The following ABCC3 variants were observed in gnomAD, a reference collection of about 807,000 sequenced individuals.
ABCC3 encodes the protein ATP binding cassette subfamily C member 3, also known as ATP-binding cassette sub-family C member 3.
ABCC3 carries 121 observed loss-of-function variants against 165.3 expected under a neutral mutation model. The observed-to-expected ratio is 0.73, with a 90% CI of 0.63 to 0.85. The LOEUF is 0.85. Ranked by LOEUF, ABCC3 falls within the 40% of genes least tolerant of loss-of-function variation. The pLI is 0.00. For missense variants in ABCC3, 1,869 were observed against 1,964.1 expected (o/e 0.95, Z 0.92); for synonymous variants, 733 against 810.1 (o/e 0.90, Z 1.62).
At chr17:50,649,562 G>C (rs1364664619) in intron 1 of ABCC3, among the ~76,000 whole-genome samples, 3 of 147,408 alleles carry the variant, frequency 2.0e-5, no homozygotes, top group Non-Finnish European at 4.5e-5. Context: ...ATACCTGGGT[G>C]ACAGAGTGAG....
At position 50,667,870 on chromosome 17, in the gene ABCC3, T is replaced by A. The variant is rs144520783; in HGVS notation, c.1643T>A (p.Leu548Gln). The A allele has an allele frequency of 2.2e-3, 3,513 of 1,614,010 alleles. 5 individuals carry two copies. Among genetic ancestry groups the A allele is most frequent in the Non-Finnish European group, 2.8e-3 (3,287 of 1,179,912 alleles). Reference sequence around the variant, plus strand: ...CACCTCCACGCTGCTCAGGTGACCCTGATCACCCTCTGGGTGTACGTGTAC... The same window carrying A: ...CACCTCCACGCTGCTCAGGTGACCCAGATCACCCTCTGGGTGTACGTGTAC... ...TWMCSPFLVTLITLWVYVYVD... is the reference protein window; with the variant it reads ...TWMCSPFLVTQITLWVYVYVD... The change falls in exon 13 of 31, where the codon CTG (leucine) becomes CAG (glutamine). Residue 548 changes from leucine (L) to glutamine (Q), a missense_variant. Coordinates refer to ENST00000285238, the MANE Select transcript of ABCC3 (RefSeq NM_003786.4).
chr17:50,636,745 GA>G (rs1019627792), intron 1 of ABCC3, among the ~76,000 whole-genome samples: 1 of 152,222 alleles, frequency 6.6e-6, no homozygotes, highest in Non-Finnish European at 1.5e-5. Flanking sequence ...AGGTCTCCTG[GA>G]CCCCAGAGTT....
Position 50,673,107 on chromosome 17 carries a change from T to C in ABCC3, c.2378T>C (p.Val793Ala), listed in dbSNP as rs762159761. 2 of 1,614,098 alleles carry C rather than the reference T, an allele frequency of 1.2e-6. No homozygotes were observed. Among genetic ancestry groups the C allele is most frequent in the Admixed American group, 1.7e-5 (1 of 60,022 alleles). The change falls in exon 18 of 31, where the codon GTC becomes GCC. Residue 793 changes from valine (V) to alanine (A), a missense_variant. Physicochemically the swap from Val to Ala is moderately conservative, Grantham distance 64 (BLOSUM62 0). Transcript: ENST00000285238. ...SHVAKHIFDH[V>A]IGPEGVLAGK... ...GTGGCCAAGCACATCTTTGACCACGTCATCGGGCCAGAAGGCGTGCTGGCA... is the reference window on the plus strand; with the variant it reads ...GTGGCCAAGCACATCTTTGACCACGCCATCGGGCCAGAAGGCGTGCTGGCA...
intron 25 of ABCC3, 99 bp from the exon 26 acceptor site, chr17:50,679,699 C>T (rs780117079): frequency 1.2e-5 from 14 of 1,156,800 alleles, no homozygotes; most frequent in Non-Finnish European, 1.8e-5. Flanking sequence ...GGCTAGGATC[C>T]CATGGATGGG....
chr17:50,664,077 T>G lies in ABCC3; in HGVS notation c.1304T>G (p.Leu435Arg), dbSNP rs745554437. ...CTCAATCTGCTGTGGTCAGCACCCC[T>G]GCAGATCATCCTGGCGATCTACTTC... Reference protein sequence around the residue: ...PFLNLLWSAPLQIILAIYFLW... With the variant: ...PFLNLLWSAPRQIILAIYFLW... Residue 435 changes from leucine to arginine, a missense_variant, in exon 10 of 31, where the codon CTG becomes CGG. By Grantham distance (102) the Leu-to-Arg change is moderately radical (BLOSUM62 -2). Coordinates refer to ENST00000285238, the MANE Select transcript of ABCC3 (RefSeq NM_003786.4). The G allele has an allele frequency of 6.2e-7, 1 of 1,614,222 alleles. No individual in the cohort carries two copies. Among genetic ancestry groups the G allele is most frequent in the South Asian group, 1.1e-5 (1 of 91,086 alleles).
chr17:50,677,995 T>A, intron 24 of ABCC3, 52 bp downstream of exon 24: 1 of 1,613,928 alleles, frequency 6.2e-7, no homozygotes, highest in South Asian at 1.1e-5. Context: ...CCCAGCAGGC[T>A]CTCTGGTGTT....
At chr17:50,685,546 T>C (rs1427521427) in intron 29 of ABCC3, among the ~76,000 whole-genome samples, 2 of 152,154 alleles carry the variant, frequency 1.3e-5, no homozygotes, top group Non-Finnish European at 2.9e-5. Context: ...CTATAACTTA[T>C]TTAGCCCAAT....
intron 30 of ABCC3, among the ~76,000 whole-genome samples, chr17:50,689,687 A>C (rs974366473): frequency 6.6e-6 from 1 of 152,010 alleles, no homozygotes; most frequent in Admixed American, 6.6e-5. Flanking sequence ...GCCTGATGCT[A>C]CCCTCTGTCT....
At chr17:50,643,547 A>G (rs749536431) in intron 1 of ABCC3, 35 of 456,252 alleles carry the variant, frequency 7.7e-5, no homozygotes, top group Non-Finnish European at 6.6e-5. Context: ...CTGTATCTGC[A>G]GAACCCAGCC....
At position 50,669,208 on chromosome 17, in the gene ABCC3, C is replaced by T. The variant is rs755969555; in HGVS notation, c.2006C>T (p.Ser669Phe). The change falls in exon 16 of 31, where the codon TCC (serine) becomes TTC (phenylalanine). Residue 669 changes from serine to phenylalanine, a missense_variant. By Grantham distance (155) the Ser-to-Phe change is radical. Transcript: ENST00000285238. ...VVGPVGCGKS[S>F]LVSALLGEME... is the part of the protein sequence containing the mutation. ...GGGCCTGTGGGCTGTGGGAAGTCCT[C>T]CCTGGTGTCTGCCCTGCTGGGAGAG... The T allele has an allele frequency of 6.2e-7, 1 of 1,612,306 alleles. No homozygotes were observed. The highest frequency in any genetic ancestry group is 1.1e-5 in the South Asian group (1 of 90,918).
chr17:50,653,350 AAAAAAAAAAAAAAG>A (rs1397650976), intron 1 of ABCC3, among the ~76,000 whole-genome samples: 1 of 151,180 alleles, frequency 6.6e-6, no homozygotes, highest in African/African-American at 2.4e-5. Context: ...GTCTCAAAAA[AAAAAAAAAAAAAAG>A]AAAAAGAAAA....
chr17:50,665,998 GT>G (rs1046244337), intron 11 of ABCC3, among the ~76,000 whole-genome samples: 2 of 152,044 alleles, frequency 1.3e-5, no homozygotes, highest in African/African-American at 2.4e-5. Flanking sequence ...TACCTTGCAA[GT>G]CCTCACCCCC....
intron 19 of ABCC3, among the ~76,000 whole-genome samples, chr17:50,673,971 T>TCCTTCCTTCCTTC (rs1567835528): frequency 8.2e-4 from 12 of 14,672 alleles, no homozygotes; most frequent in Admixed American, 1.1e-3. Flanking sequence ...TTTCTTTCTT[T>TCCTTCCTTCCTTC]CTTTCTTTCT....
At chr17:50,653,023 G>A (rs1355198835) in intron 1 of ABCC3, among the ~76,000 whole-genome samples, 3 of 152,088 alleles carry the variant, frequency 2.0e-5, no homozygotes, top group Non-Finnish European at 4.4e-5. Flanking sequence ...TTCTACTTCC[G>A]ATCCCACTTC....
At chr17:50,645,821 A>T (rs543049294) in intron 1 of ABCC3, among the ~76,000 whole-genome samples, 7 of 152,300 alleles carry the variant, frequency 4.6e-5, no homozygotes, top group African/African-American at 9.6e-5. Flanking sequence ...GCTGGTCTCA[A>T]ACTCCTGGCC....
intron 7 of ABCC3, among the ~76,000 whole-genome samples, chr17:50,659,818 C>T (rs1240984337): frequency 2.0e-5 from 3 of 151,992 alleles, no homozygotes; most frequent in African/African-American, 7.3e-5. Context: ...GACCTTGTCT[C>T]TACAAAAAAT....
In ABCC3 at chr17:50,677,772, T is replaced by C. The variant is rs983704326; in HGVS notation, c.3407T>C (p.Leu1136Pro). 1.2e-6 allele frequency: 2 copies of C among 1,614,090 alleles called. No individual in the cohort carries two copies. The part of the protein sequence containing the change: ...QRFYAATSRQ[L>P]KRLESVSRSP... Reference sequence around the variant, plus strand: ...TTCTATGCAGCCACATCACGGCAACTGAAGCGGCTGGAATCAGTCAGCCGC... The same window carrying C: ...TTCTATGCAGCCACATCACGGCAACCGAAGCGGCTGGAATCAGTCAGCCGC... The change falls in exon 24 of 31, where the codon CTG (leucine) becomes CCG (proline). Residue 1136 changes from leucine (L) to proline (P), a missense_variant. Transcript: ENST00000285238.
chr17:50,657,293 C>G, intron 4 of ABCC3, 110 bp downstream of exon 4: 1 of 1,391,056 alleles, frequency 7.2e-7, no homozygotes, highest in Non-Finnish European at 9.8e-7. Context: ...GCTTCAAGTA[C>G]AAACACAATT....
At chr17:50,656,906 T>C (rs1385267552) in intron 3 of ABCC3, 79 bp downstream of exon 3, 1 of 1,551,186 alleles carries the variant, frequency 6.4e-7, no homozygotes, top group East Asian at 2.3e-5. Context: ...CTGTGGGCTC[T>C]GAGGAGAGGG....
Sources: gnomAD v4.1 joint callset for allele counts (sites outside exome capture counted in the v4.1 genomes callset) on GRCh38, gnomAD v4.1.1 for gene constraint, MANE v1.5 for transcripts, NCBI Gene and HGNC (gene_info 2026-07-23, HGNC 2026-07-21) for gene names.